Variants in DMD observed in about 807,000 individuals in gnomAD.
The protein encoded by DMD is dystrophin, also known as mutant dystrophin.
In DMD, 63 loss-of-function variants were observed where a neutral mutation model predicts 330.1. The observed-to-expected ratio is 0.19, with a 90% CI of 0.16 to 0.24. The LOEUF (loss-of-function observed/expected upper bound fraction) is 0.24. Ranked by LOEUF, DMD falls within the 10% of genes least tolerant of loss-of-function variation. DMD has a pLI of 1.00. For synonymous variants in DMD, 1,223 were observed against 959.8 expected, an observed-to-expected ratio of 1.27 and a Z score of -5.07; for missense variants, 3,344 against 2,684.1, an observed-to-expected ratio of 1.25 and a Z score of -5.43.
At chrX:32,816,915 T>C (rs1217772477) in intron 5 of DMD, among the ~76,000 whole-genome samples, 2 of 112,169 alleles carry the variant, frequency 1.8e-5, no homozygotes, top group Non-Finnish European at 1.9e-5. Context: ...GTTTATAGAA[T>C]TGCTCACCTT....
At chrX:32,380,742 C>T in intron 33 of DMD, 62 bp from the exon 34 acceptor site, 1 of 965,879 alleles carries the variant, frequency 1.0e-6, no homozygotes, top group Non-Finnish European at 1.5e-6. Context: ...TCGTTATAAC[C>T]ACTTATTTGG....
At chrX:33,298,858 C>T (rs1332877019) in intron 1 of DMD, among the ~76,000 whole-genome samples, 1 of 111,605 alleles carries the variant, frequency 9.0e-6, no homozygotes, top group African/African-American at 3.3e-5. Flanking sequence ...TTCACTTCTT[C>T]GCACATTTCA....
chrX:33,123,864 A>G (rs2095440956), intron 1 of DMD, among the ~76,000 whole-genome samples: 1 of 110,927 alleles, frequency 9.0e-6, no homozygotes, highest in Non-Finnish European at 1.9e-5. Context: ...AACAAACAGC[A>G]GTAAAAATTG....
intron 2 of DMD, among the ~76,000 whole-genome samples, chrX:33,004,524 T>C (rs2093353886): frequency 8.9e-6 from 1 of 111,792 alleles, no homozygotes; most frequent in South Asian, 3.6e-4. Context: ...TTATATTTAA[T>C]ATGATAGTTT....
chrX:32,238,862 G>A (rs1746516421), intron 43 of DMD, among the ~76,000 whole-genome samples: 1 of 110,147 alleles, frequency 9.1e-6, no homozygotes, highest in South Asian at 3.8e-4. Context: ...CTCATTTGCT[G>A]TGCTGGGCAT....
intron 44 of DMD, among the ~76,000 whole-genome samples, chrX:32,211,627 CA>C (rs1418231543): frequency 9.0e-6 from 1 of 111,669 alleles, no homozygotes; most frequent in East Asian, 2.8e-4. Flanking sequence ...GTCTGCTTAA[CA>C]TTTGTTGATT....
At chrX:32,340,891 G>T (rs937892767) in intron 41 of DMD, among the ~76,000 whole-genome samples, 1 of 111,378 alleles carries the variant, frequency 9.0e-6, no homozygotes, top group Non-Finnish European at 1.9e-5. Context: ...GCTATTTCTC[G>T]TATTCTTCCA....
chrX:31,309,708 T>C (rs974824085), intron 62 of DMD, among the ~76,000 whole-genome samples: 1 of 111,807 alleles, frequency 8.9e-6, no homozygotes, highest in Admixed American at 9.5e-5. Flanking sequence ...TAATCACACA[T>C]GCGTTTCCAA....
chrX:33,107,585 T>G (rs2095302574), intron 1 of DMD, among the ~76,000 whole-genome samples: 1 of 111,176 alleles, frequency 9.0e-6, no homozygotes, highest in African/African-American at 3.3e-5. Flanking sequence ...TGGTAATGAT[T>G]ATTTAAAACC....
At chrX:32,501,952 C>T (rs1481098923) in intron 18 of DMD, 110 bp from the exon 19 acceptor site, 3 of 574,049 alleles carry the variant, frequency 5.2e-6, no homozygotes, top group Middle Eastern at 3.2e-4. Context: ...ACTCTGTCAG[C>T]TTATCACGTG....
At chrX:32,754,099 T>C (rs1486726334) in intron 7 of DMD, among the ~76,000 whole-genome samples, 2 of 111,841 alleles carry the variant, frequency 1.8e-5, no homozygotes, top group Non-Finnish European at 3.8e-5. Context: ...GAACCTGTGG[T>C]AGCTTACTAA....
chrX:31,836,402 G>C (rs766445759), intron 49 of DMD, among the ~76,000 whole-genome samples: 2 of 112,091 alleles, frequency 1.8e-5, no homozygotes, highest in East Asian at 5.6e-4. Flanking sequence ...AAGCATCAAG[G>C]CTGGCAAGCA....
Position 33,163,620 on chromosome X carries a change from C to CTATCTATCTATCTATCTATG in DMD, c.31+47661_31+47662insCATAGATAGATAGATAGATA, listed in dbSNP as rs72200931. 4.1e-4 allele frequency among the ~76,000 whole-genome samples: 8 copies of CTATCTATCTATCTATCTATG among 19,486 alleles called. No individual in the cohort carries two copies. In the East Asian group the frequency reaches 0.011, roughly 28 times the overall value. The allele number at this position is 19,486 out of a possible 115,157, so 16.9% of individuals were successfully genotyped here. ...TATCTATATATATCTATATCTATCT[C>CTATCTATCTATCTATCTATG]TATCTATCTATCTATCTATCTATCT... On this transcript the variant is annotated intron_variant, in intron 1 of 78. Coordinates refer to ENST00000357033, the MANE Select transcript of DMD (RefSeq NM_004006.3).
chrX:32,660,711 A>C (rs759814134), intron 9 of DMD, among the ~76,000 whole-genome samples: 3 of 111,418 alleles, frequency 2.7e-5, no homozygotes, highest in African/African-American at 9.8e-5. Flanking sequence ...GAAATAACAT[A>C]GTACTCACAG....
At chrX:32,581,855 A>C (rs2053688872) in intron 13 of DMD, among the ~76,000 whole-genome samples, 1 of 112,048 alleles carries the variant, frequency 8.9e-6, no homozygotes, top group Non-Finnish European at 1.9e-5. Context: ...TATACGTCTT[A>C]TCCAGGTTTA....
intron 48 of DMD, among the ~76,000 whole-genome samples, chrX:31,845,828 GT>G (rs2093417218): frequency 9.0e-6 from 1 of 111,681 alleles, no homozygotes; most frequent in Non-Finnish European, 1.9e-5. Context: ...GGAGACATGA[GT>G]CAAGATGCCT....
chrX:32,364,903 A>G, intron 35 of DMD, 117 bp downstream of exon 35: 1 of 825,758 alleles, frequency 1.2e-6, no homozygotes, highest in Non-Finnish European at 1.8e-6. Flanking sequence ...TATTGAATTA[A>G]GAGCCAGCAT....
chrX:31,212,974 T>C (rs984329808), intron 64 of DMD, among the ~76,000 whole-genome samples: 5 of 112,622 alleles, frequency 4.4e-5, no homozygotes, highest in African/African-American at 1.6e-4. Context: ...CTGTATATTC[T>C]ATGTTGATGT....
chrX:32,722,490 G>A (rs896690601), intron 7 of DMD, among the ~76,000 whole-genome samples: 14 of 110,106 alleles, frequency 1.3e-4, no homozygotes, highest in South Asian at 3.9e-4. Flanking sequence ...GTATCCACTG[G>A]CATCCTGGAA....
Sources: allele counts gnomAD v4.1 joint callset (sites outside exome capture counted in the v4.1 genomes callset), GRCh38; gene constraint gnomAD v4.1.1; transcripts MANE v1.5; gene names NCBI Gene and HGNC (gene_info 2026-07-23, HGNC 2026-07-21).